The following CD109 variants were observed in gnomAD, a reference collection of about 807,000 sequenced individuals.
CD109 encodes CD109 molecule, also known as CD109 antigen.
Under a neutral mutation model 165.8 loss-of-function variants are expected in CD109, and 149 were observed. The observed-to-expected ratio is 0.90, with a 90% CI of 0.79 to 1.03. CD109 has a LOEUF of 1.03. Ranked by LOEUF, CD109 falls within the 50% of genes least tolerant of loss-of-function variation. The pLI is 0.00. For synonymous variants in CD109, 585 were observed against 592.1 expected (o/e 0.99, Z 0.18); for missense variants, 1,712 against 1,677.8 (o/e 1.02, Z -0.36).
chr6:73,781,190 G>T, intron 16 of CD109, 69 bp from the exon 17 acceptor site: 1 of 1,301,778 alleles, frequency 7.7e-7, no homozygotes, highest in South Asian at 1.2e-5. Context: ...GAGTTTGGGA[G>T]ACTGCCTTGA....
At chr6:73,713,534 G>A (rs1419355533) in intron 2 of CD109, among the ~76,000 whole-genome samples, 1 of 151,998 alleles carries the variant, frequency 6.6e-6, no homozygotes, top group African/African-American at 2.4e-5. Context: ...TATTATAGGC[G>A]TGAGCTGCCA....
At position 73,825,131 on chromosome 6, in the gene CD109, C is replaced by T. The variant is rs1340074976; in HGVS notation, c.*1498C>T. On this transcript the variant is annotated 3_prime_UTR_variant, in exon 33 of 33. Coordinates refer to ENST00000287097, the MANE Select transcript of CD109 (RefSeq NM_133493.5). ...CAGAAATTATAGTGGAATGGATGCT[C>T]ATATATTGCTTATGGATATTTTGGA... 1 of 152,144 alleles carries T rather than the reference C, an allele frequency of 6.6e-6. No homozygotes were observed. Among genetic ancestry groups the T allele is most frequent in the African/African-American group, 2.4e-5 (1 of 41,420 alleles). The allele number at this position is 152,144 out of a possible 1,614,324, so 9.4% of individuals were successfully genotyped here.
At chr6:73,735,726 T>TG (rs1221897914) in intron 4 of CD109, among the ~76,000 whole-genome samples, 1 of 152,220 alleles carries the variant, frequency 6.6e-6, no homozygotes, top group African/African-American at 2.4e-5. Context: ...CATCATGCAC[T>TG]GGTGCTGTAA....
In CD109 at chr6:73,815,051, C is replaced by G. The variant is rs772682977; in HGVS notation, c.3839C>G (p.Ala1280Gly). ...RRRRSIQNQE[A>G]FDLDVAVKEN... is the part of the protein sequence containing the mutation. ...CGAAGATCTATCCAAAATCAAGAAG[C>G]CTTTGATTTAGATGTTGCTGTAAAA... Residue 1280 changes from alanine to glycine, a missense_variant, in exon 30 of 33, where the codon GCC becomes GGC. Transcript: ENST00000287097. 10 of 1,586,716 alleles carry G rather than the reference C, an allele frequency of 6.3e-6. No homozygotes were observed. The highest frequency in any genetic ancestry group is 7.7e-6 in the Non-Finnish European group (9 of 1,169,814).
At chr6:73,701,777 C>G (rs1357570411) in intron 2 of CD109, among the ~76,000 whole-genome samples, 1 of 151,964 alleles carries the variant, frequency 6.6e-6, no homozygotes, top group Non-Finnish European at 1.5e-5. Flanking sequence ...TCATGTAAAC[C>G]TGATTTAAGA....
At chr6:73,732,635 A>G in intron 4 of CD109, among the ~76,000 whole-genome samples, 1 of 152,240 alleles carries the variant, frequency 6.6e-6, no homozygotes, top group Middle Eastern at 3.2e-3. Context: ...GTTTACATTC[A>G]ATGCTTCCTT....
chr6:73,783,788 G>C lies in CD109; in HGVS notation c.2187G>C (p.Glu729Asp). The change falls in exon 19 of 33, where the codon GAG becomes GAC. Residue 729 changes from glutamate (E) to aspartate (D), a missense_variant. Glu to Asp is a conservative substitution (Grantham distance 45). Coordinates refer to ENST00000287097, the MANE Select transcript of CD109 (RefSeq NM_133493.5). Reference sequence around the variant, plus strand: ...TGGCTACTGGTTTTGTGATCTCTGAGGACCTGGGTCTTGGACTAACAACTA... The same window carrying C: ...TGGCTACTGGTTTTGTGATCTCTGACGACCTGGGTCTTGGACTAACAACTA... ...SWVATGFVIS[E>D]DLGLGLTTTP... is the part of the protein sequence containing the mutation. 6.2e-7 allele frequency: 1 copy of C among 1,611,866 alleles called. No individual in the cohort carries two copies. Among genetic ancestry groups the C allele is most frequent in the Non-Finnish European group, 8.5e-7 (1 of 1,178,224 alleles).
Position 73,803,308 on chromosome 6 carries a change from G to A in CD109, c.2960+7G>A, listed in dbSNP as rs1388974303. 2.5e-6 allele frequency: 4 copies of A among 1,608,562 alleles called. No individual in the cohort carries two copies. Among genetic ancestry groups the A allele is most frequent in the South Asian group, 2.2e-5 (2 of 90,128 alleles). Reference sequence around the variant, plus strand: ...ACCCTTCTGGGAGCACTTGGTAAGTGTTTTTGCCAACTGAACAAATCCGTG... The same window carrying A: ...ACCCTTCTGGGAGCACTTGGTAAGTATTTTTGCCAACTGAACAAATCCGTG... On this transcript the variant is annotated splice_region_variant and intron_variant, in intron 24 of 32. Transcript: ENST00000287097.
intron 3 of CD109, among the ~76,000 whole-genome samples, chr6:73,729,662 T>C (rs897296091): frequency 3.3e-5 from 5 of 151,982 alleles, no homozygotes; most frequent in Non-Finnish European, 7.4e-5. Flanking sequence ...TACAGGCGCA[T>C]GCCACCACAC....
At chr6:73,706,639 A>AGGCTC (rs1377163683) in intron 2 of CD109, among the ~76,000 whole-genome samples, 1 of 152,160 alleles carries the variant, frequency 6.6e-6, no homozygotes, top group African/African-American at 2.4e-5. Context: ...TTCCGTTGCA[A>AGGCTC]GGCTCAGGGT....
At chr6:73,814,825 C>T (rs941367522) in intron 29 of CD109, among the ~76,000 whole-genome samples, 156 bp from the exon 30 acceptor site, 2 of 152,068 alleles carry the variant, frequency 1.3e-5, no homozygotes, top group African/African-American at 4.8e-5. Flanking sequence ...AATAGTGATA[C>T]TTTGTGAGCA....
intron 23 of CD109, among the ~76,000 whole-genome samples, chr6:73,801,745 T>C (rs186938846): frequency 5.3e-4 from 81 of 152,348 alleles, no homozygotes; most frequent in African/African-American, 1.9e-3. Flanking sequence ...ATATGGTATT[T>C]ATAAAGTCAA....
intron 15 of CD109, 120 bp from the exon 16 acceptor site, chr6:73,780,304 C>T (rs1774435038): frequency 1.3e-6 from 1 of 741,940 alleles, no homozygotes; most frequent in Admixed American, 2.1e-5. Context: ...CATTACTCCT[C>T]AATTTGTGTC....
chr6:73,764,926 A>G (rs1040679697), intron 10 of CD109, among the ~76,000 whole-genome samples: 6 of 152,010 alleles, frequency 3.9e-5, no homozygotes, highest in Non-Finnish European at 8.8e-5. Context: ...ATCTTAATTT[A>G]GGCAGTTTGA....
In CD109 at chr6:73,771,719, A is replaced by T. The variant is rs1774042237; in HGVS notation, c.1827+138A>T. 6 of 541,106 alleles carry T rather than the reference A, an allele frequency of 1.1e-5. No individual in the cohort carries two copies. In the East Asian group the frequency reaches 2.0e-4, roughly 18 times the overall value. 33.5% of individuals were successfully genotyped at this position (541,106 alleles called of 1,614,324 possible). A position where few individuals can be genotyped will look rare whatever the true frequency, so the allele number is the denominator to read the frequency against. Reference sequence around the variant, plus strand: ...AAGTCAATAATTAGTAAAGCTTCCAAATAAAAAGTAATCTGTATCGTAATG... The same window carrying T: ...AAGTCAATAATTAGTAAAGCTTCCATATAAAAAGTAATCTGTATCGTAATG... On this transcript the variant is annotated intron_variant, in intron 15 of 32. Transcript: ENST00000287097.
At chr6:73,757,826 A>C (rs1773451757) in intron 6 of CD109, among the ~76,000 whole-genome samples, 1 of 152,242 alleles carries the variant, frequency 6.6e-6, no homozygotes, top group African/African-American at 2.4e-5. Flanking sequence ...GACTACTAGA[A>C]ATGAAAAATT....
intron 7 of CD109, among the ~76,000 whole-genome samples, chr6:73,761,518 T>TA (rs1460759349): frequency 6.6e-6 from 1 of 152,194 alleles, no homozygotes; most frequent in Non-Finnish European, 1.5e-5. Flanking sequence ...ACCATTTATT[T>TA]TTTATTTATT....
intron 19 of CD109, 28 bp from the exon 20 acceptor site, chr6:73,785,336 A>C (rs748827002): frequency 3.2e-6 from 4 of 1,249,192 alleles, no homozygotes; most frequent in Non-Finnish European, 3.5e-6. Flanking sequence ...ACCTGAATAA[A>C]AATATGTACT....
intron 28 of CD109, 71 bp downstream of exon 28, chr6:73,811,218 T>A: frequency 6.8e-7 from 1 of 1,472,726 alleles, no homozygotes; most frequent in Non-Finnish European, 9.2e-7. Context: ...GCTTTATTTG[T>A]AATCTGTTGA....
Sources: allele counts gnomAD v4.1 joint callset (sites outside exome capture counted in the v4.1 genomes callset), GRCh38; gene constraint gnomAD v4.1.1; transcripts MANE v1.5; gene names NCBI Gene and HGNC (gene_info 2026-07-23, HGNC 2026-07-21).